PFKFB3: variants seen among roughly 807,000 people sequenced by gnomAD.
The protein encoded by PFKFB3 is 6-phosphofructo-2-kinase/fructose-2,6-biphosphatase 3, also known as 6-phosphofructo-2-kinase/fructose-2,6-bisphosphatase 3.
PFKFB3 carries 33 observed loss-of-function variants against 68.0 expected under a neutral mutation model. The observed-to-expected ratio is 0.49, with a 90% confidence interval of 0.37 to 0.65. PFKFB3 has a LOEUF of 0.65. Among genes scored for constraint, PFKFB3 ranks in the 30% least tolerant of loss-of-function variants. The pLI, the probability that PFKFB3 is intolerant of heterozygous loss-of-function variation, is 0.00. For missense variants in PFKFB3, 586 were observed against 712.2 expected (o/e 0.82, Z 2.02); for synonymous variants, 315 against 288.2 (o/e 1.09, Z -0.94).
At chr10:6,312,792 C>T in the PFKFB3 span, among the ~76,000 whole-genome samples, 1 of 152,210 alleles carries the variant, frequency 6.6e-6, no homozygotes, top group Non-Finnish European at 1.5e-5. Context: ...GTCAACTTAG[C>T]TATACGCCCT....
chr10:6,169,799 C>T (rs928608380), intron 1 of PFKFB3, among the ~76,000 whole-genome samples: 1 of 152,238 alleles, frequency 6.6e-6, no homozygotes, highest in Non-Finnish European at 1.5e-5. Flanking sequence ...GTCTGAGCAC[C>T]GAGGAAGGAC....
intron 1 of PFKFB3, among the ~76,000 whole-genome samples, chr10:6,179,845 A>G (rs1842657515): frequency 6.6e-6 from 1 of 152,032 alleles, no homozygotes; most frequent in Non-Finnish European, 1.5e-5. Context: ...GTGGGGAGGG[A>G]GTGGTTGTTC....
At chr10:6,225,328 T>TG (rs1845269367) in intron 13 of PFKFB3, 1 of 408,698 alleles carries the variant, frequency 2.4e-6, no homozygotes. Flanking sequence ...CGCTGGCAGT[T>TG]GCCTGGCTGG....
At chr10:6,243,102 G>C (rs1359866808) in intron 14 of PFKFB3, among the ~76,000 whole-genome samples, 1 of 152,184 alleles carries the variant, frequency 6.6e-6, no homozygotes, top group Non-Finnish European at 1.5e-5. Context: ...CACCCTACCA[G>C]AGCTAACGTC....
At chr10:6,295,353 C>G in the PFKFB3 span, among the ~76,000 whole-genome samples, 2 of 152,054 alleles carry the variant, frequency 1.3e-5, no homozygotes, top group Non-Finnish European at 2.9e-5. Flanking sequence ...TCCCAAGTAG[C>G]TGGGATTACA....
the PFKFB3 span, among the ~76,000 whole-genome samples, chr10:6,265,536 T>C: frequency 6.6e-6 from 1 of 152,212 alleles, no homozygotes; most frequent in African/African-American, 2.4e-5. Context: ...TAGAATATTA[T>C]GGAAGTCATG....
the PFKFB3 span, among the ~76,000 whole-genome samples, chr10:6,302,203 C>T: frequency 6.7e-6 from 1 of 149,700 alleles, no homozygotes; most frequent in African/African-American, 2.5e-5. Context: ...TACAGGTATG[C>T]GCCACCACAT....
At position 6,233,031 on chromosome 10, in the gene PFKFB3, T is replaced by G; in HGVS notation, c.*89T>G. 11 of 1,032,540 alleles carry G rather than the reference T, an allele frequency of 1.1e-5. No individual in the cohort carries two copies. Among genetic ancestry groups the G allele is most frequent in the South Asian group, 1.0e-4 (8 of 78,698 alleles). The allele number at this position is 1,032,540 out of a possible 1,614,324, so 64.0% of individuals were successfully genotyped here. A position where few individuals can be genotyped will look rare whatever the true frequency, so the allele number is the denominator to read the frequency against. On this transcript the variant is annotated 3_prime_UTR_variant, in exon 15 of 15. Transcript: ENST00000379775. ...CCGAGGCAAAACGTATCCTGAGGAC[T>G]TCTTCCGGAGAGGGTGGGGTGGAGC...
intron 1 of PFKFB3, among the ~76,000 whole-genome samples, chr10:6,165,375 C>T (rs1279397094): frequency 6.6e-6 from 1 of 152,184 alleles, no homozygotes; most frequent in East Asian, 1.9e-4. Context: ...AACAATTTTT[C>T]TTAGTATAGA....
chr10:6,230,818 C>T (rs371931522), intron 14 of PFKFB3, among the ~76,000 whole-genome samples: 44 of 151,490 alleles, frequency 2.9e-4, no homozygotes, highest in Middle Eastern at 3.4e-3. Flanking sequence ...CGGGTTCAAG[C>T]GATTCTCCTG....
At chr10:6,256,546 A>G (rs1846498289), downstream of PFKFB3, among the ~76,000 whole-genome samples, 2 of 152,180 alleles carry the variant, frequency 1.3e-5, no homozygotes, top group African/African-American at 4.8e-5. Flanking sequence ...TGCCATGTGC[A>G]TGGAGATGGC....
the PFKFB3 span, among the ~76,000 whole-genome samples, chr10:6,291,903 C>T: frequency 6.6e-6 from 1 of 151,230 alleles, no homozygotes; most frequent in Non-Finnish European, 1.5e-5. Context: ...TCTCTTACAA[C>T]CTACATACAC....
chr10:6,269,607 A>T, the PFKFB3 span, among the ~76,000 whole-genome samples: 1 of 152,186 alleles, frequency 6.6e-6, no homozygotes, highest in Non-Finnish European at 1.5e-5. Context: ...GCAGTTAGGA[A>T]AGTGGAAGTG....
chr10:6,241,604 G>A (rs1846141125), intron 14 of PFKFB3, among the ~76,000 whole-genome samples: 1 of 152,124 alleles, frequency 6.6e-6, no homozygotes, highest in African/African-American at 2.4e-5. Context: ...GGCCAAGGTG[G>A]GAGGATCGCT....
chr10:6,267,954 CAAAAAAAA>C, the PFKFB3 span, among the ~76,000 whole-genome samples: 3 of 85,906 alleles, frequency 3.5e-5, no homozygotes, highest in Admixed American at 1.5e-4. Context: ...GACCCTATCT[CAAAAAAAA>C]AAAAAAAAAA....
chr10:6,209,406 T>C (rs114539767), intron 1 of PFKFB3, among the ~76,000 whole-genome samples: 68 of 152,320 alleles, frequency 4.5e-4, no homozygotes, highest in African/African-American at 1.5e-3. Context: ...AGTTAAAATA[T>C]TGAACATTTA....
chr10:6,228,181 G>A lies in PFKFB3; in HGVS notation c.1515+1816G>A, dbSNP rs747217861. ...TGCCTCCTGACTGACTTCTCTCTCT[G>A]CTTCTCCTCCGCAGCCTTTGCTAGG... is the stretch of plus-strand genomic sequence containing the variant. On this transcript the variant is annotated intron_variant, in intron 14 of 14. Coordinates refer to ENST00000379775, the MANE Select transcript of PFKFB3 (RefSeq NM_004566.4). The surrounding 1 kb of genome is among the most constrained non-coding windows in gnomAD (Gnocchi z 4.5). 1 of 1,612,750 alleles carries A rather than the reference G, an allele frequency of 6.2e-7. No homozygotes were observed. The highest frequency in any genetic ancestry group is 8.5e-7 in the Non-Finnish European group (1 of 1,179,874).
At chr10:6,262,019 C>CAAAAAAAAAAAAA in the PFKFB3 span, among the ~76,000 whole-genome samples, 1 of 144,702 alleles carries the variant, frequency 6.9e-6, no homozygotes. Flanking sequence ...AAACAAAAAA[C>CAAAAAAAAAAAAA]AAAAAAAAAA....
the PFKFB3 span, among the ~76,000 whole-genome samples, chr10:6,263,560 A>G: frequency 6.6e-6 from 1 of 152,216 alleles, no homozygotes; most frequent in African/African-American, 2.4e-5. Flanking sequence ...TCTTTCTAGC[A>G]GCTCCTATTG....
Sources: gnomAD v4.1 joint callset for allele counts (sites outside exome capture counted in the v4.1 genomes callset) on GRCh38, gnomAD v4.1.1 for gene constraint, Gnocchi (gnomAD v3.1) non-coding constraint, MANE v1.5 for transcripts, NCBI Gene and HGNC (gene_info 2026-07-23, HGNC 2026-07-21) for gene names.